Variants in VSIG8 observed in about 807,000 individuals in gnomAD.
VSIG8 encodes V-set and immunoglobulin domain-containing protein 8.
VSIG8 carries 32 observed loss-of-function variants against 42.6 expected under a neutral mutation model. The ratio of observed to expected loss-of-function variants is 0.75; its 90% CI spans 0.57 to 1.01. The LOEUF (loss-of-function observed/expected upper bound fraction) is 1.01. Among genes scored for constraint, VSIG8 ranks in the 50% least tolerant of loss-of-function variants. The pLI, the probability that VSIG8 is intolerant of heterozygous loss-of-function variation, is 0.00. For synonymous variants in VSIG8, 290 were observed against 243.8 expected, an observed-to-expected ratio of 1.19 and a Z score of -1.77; for missense variants, 529 against 558.0, an observed-to-expected ratio of 0.95 and a Z score of 0.52.
chr1:159,857,617 A>G, intron 4 of VSIG8, 128 bp downstream of exon 4: 1 of 693,362 alleles, frequency 1.4e-6, no homozygotes. Context: ...GCAGGCCCAG[A>G]GGGAGGGTCT....
intron 6 of VSIG8, chr1:159,855,351 T>C (rs1648781243): frequency 4.1e-6 from 6 of 1,470,688 alleles, no homozygotes; most frequent in Non-Finnish European, 2.7e-6. Flanking sequence ...GCTTTTCCTC[T>C]TCTTCTTTCC....
At chr1:159,858,633 G>C (rs1272800757) in intron 2 of VSIG8, 101 bp downstream of exon 2, 8 of 1,376,446 alleles carry the variant, frequency 5.8e-6, no homozygotes, top group Non-Finnish European at 7.8e-6. Flanking sequence ...AAAGGCCTTG[G>C]GGGAGGTTCA....
chr1:159,856,754 T>C (rs1648843144), intron 4 of VSIG8, 111 bp from the exon 5 acceptor site: 2 of 1,414,316 alleles, frequency 1.4e-6, no homozygotes, highest in South Asian at 1.3e-5. Flanking sequence ...GGCTTATGCA[T>C]GTGTGTACAC....
chr1:159,858,869 G>A lies in VSIG8; in HGVS notation c.93C>T (p.Val31=), dbSNP rs139770309. 41 of 1,614,056 alleles carry A rather than the reference G, an allele frequency of 2.5e-5. No homozygotes were observed. The highest frequency in any genetic ancestry group is 3.1e-5 in the Non-Finnish European group (37 of 1,180,006). ...CATTATCACCTTCTGCCAGGTACAGGACCTCCTGTCCATCCCCGTTGATCC... is the reference window on the plus strand; with the variant it reads ...CATTATCACCTTCTGCCAGGTACAGAACCTCCTGTCCATCCCCGTTGATCC... ...AVRINGDGQE[V]LYLAEGDNVR... is the part of the protein sequence containing the mutation. The change falls in exon 2 of 7, where the codon GTC becomes GTT. Residue 31 remains valine, a synonymous_variant. Transcript: ENST00000368100.
intron 1 of VSIG8, chr1:159,862,121 G>A (rs1649042725): frequency 3.6e-6 from 1 of 279,656 alleles, no homozygotes; most frequent in Non-Finnish European, 6.7e-6. Context: ...CAATGCCCGT[G>A]CTTACCCCTC....
At chr1:159,858,006 A>T in intron 3 of VSIG8, 40 bp from the exon 4 acceptor site, 1 of 1,612,218 alleles carries the variant, frequency 6.2e-7, no homozygotes, top group Non-Finnish European at 8.5e-7. Flanking sequence ...GGCCCAGCCA[A>T]GAGACAGAGC....
chr1:159,855,346 T>C (rs762305549), intron 6 of VSIG8: 441 of 1,476,880 alleles, frequency 3.0e-4, no homozygotes, highest in Non-Finnish European at 3.6e-4. Context: ...AAGGTGCTTT[T>C]CCTCTTCTTC....
chr1:159,858,910 G>A lies in VSIG8; in HGVS notation c.52C>T (p.Leu18=), dbSNP rs1463868260. The A allele has an allele frequency of 1.2e-6, 2 of 1,612,340 alleles. No individual in the cohort carries two copies. The highest frequency in any genetic ancestry group is 1.7e-6 in the Non-Finnish European group (2 of 1,179,244). The change falls in exon 2 of 7, where the codon CTG becomes TTG. Residue 18 remains leucine, a splice_region_variant and synonymous_variant. Coordinates refer to ENST00000368100, the MANE Select transcript of VSIG8 (RefSeq NM_001013661.1). The part of the protein sequence containing the change: ...HLLLVCLSPA[L]LSAVRINGDG... ...CCGTTGATCCGCACAGCAGACAGCAGTGCTAGGGGGAGGGCAGAGAAGATG... is the reference window on the plus strand; with the variant it reads ...CCGTTGATCCGCACAGCAGACAGCAATGCTAGGGGGAGGGCAGAGAAGATG...
chr1:159,856,421 G>T, intron 5 of VSIG8, 103 bp downstream of exon 5: 2 of 1,568,026 alleles, frequency 1.3e-6, no homozygotes, highest in Non-Finnish European at 8.7e-7. Context: ...CTGGCAAATG[G>T]ATGGCAGTGG....
chr1:159,859,629 C>T (rs1236579351), intron 1 of VSIG8, among the ~76,000 whole-genome samples: 1 of 152,070 alleles, frequency 6.6e-6, no homozygotes, highest in Non-Finnish European at 1.5e-5. Context: ...CAGTGGACAG[C>T]TGTGACCAGG....
chr1:159,855,791 G>A (rs1254519090), intron 6 of VSIG8, 92 bp downstream of exon 6: 2 of 1,439,190 alleles, frequency 1.4e-6, no homozygotes, highest in Non-Finnish European at 1.8e-6. Flanking sequence ...GTTGGGGTGG[G>A]GGGCCCAGCC....
At chr1:159,855,215 G>T in intron 6 of VSIG8, 189 bp from the exon 7 acceptor site, 1 of 1,551,648 alleles carries the variant, frequency 6.4e-7, no homozygotes, top group Non-Finnish European at 8.7e-7. Context: ...ACCCTGCAGC[G>T]GTCCCGGAGC....
At position 159,854,837 on chromosome 1, in the gene VSIG8, G is replaced by T; in HGVS notation, c.1161C>A (p.Ser387=). 2 of 1,490,882 alleles carry T rather than the reference G, an allele frequency of 1.3e-6. No individual in the cohort carries two copies. Among genetic ancestry groups the T allele is most frequent in the Non-Finnish European group, 1.8e-6 (2 of 1,128,666 alleles). The allele number at this position is 1,490,882 out of a possible 1,614,324, so 92.4% of individuals were successfully genotyped here. The change falls in exon 7 of 7, where the codon TCC becomes TCA. Residue 387 remains serine, a synonymous_variant. Transcript: ENST00000368100. ...CGCTCTTGACCTTGACGTAGACCGG[G>T]GAGGGGCCCGCTTCGCAGGCGGCGG... ...TAAAACEAGP[S]PVYVKVKSAE... is the part of the protein sequence containing the mutation.
In VSIG8 at chr1:159,856,039, G is replaced by A. The variant is rs970416051; in HGVS notation, c.815C>T (p.Ser272Phe). 6.2e-7 allele frequency: 1 copy of A among 1,612,428 alleles called. No individual in the cohort carries two copies. The highest frequency in any genetic ancestry group is 1.7e-5 in the Admixed American group (1 of 59,930). The change falls in exon 6 of 7, where the codon TCT becomes TTT. Residue 272 changes from serine (S) to phenylalanine (F), a missense_variant. Physicochemically the swap from Ser to Phe is radical, Grantham distance 155. Coordinates refer to ENST00000368100, the MANE Select transcript of VSIG8 (RefSeq NM_001013661.1). ...IGVIIGIVLG[S>F]LLALGCLAVG... ...GGCCAGGCAGCCCAGCGCGAGCAGA[G>A]AGCCCAGGACGATGCCGATGATCAC... is the stretch of plus-strand genomic sequence containing the variant.
At chr1:159,857,258 T>C (rs116352874) in intron 4 of VSIG8, among the ~76,000 whole-genome samples, 3,169 of 152,240 alleles carry the variant, frequency 0.021, 108 homozygotes, top group African/African-American at 0.072. Flanking sequence ...CTCTCCACAT[T>C]TGCCTTATCA....
intron 6 of VSIG8, 140 bp from the exon 7 acceptor site, chr1:159,855,166 C>T (rs756675934): frequency 6.4e-7 from 1 of 1,551,698 alleles, no homozygotes; most frequent in South Asian, 1.2e-5. Context: ...CTCCCTCGGC[C>T]TCGACCTACT....
At chr1:159,859,431 C>T (rs930800711) in intron 1 of VSIG8, among the ~76,000 whole-genome samples, 3 of 152,058 alleles carry the variant, frequency 2.0e-5, no homozygotes, top group Admixed American at 6.5e-5. Context: ...CCAGAGGCAG[C>T]GGGGTGGTTA....
intron 5 of VSIG8, 93 bp downstream of exon 5, chr1:159,856,431 G>T: frequency 6.3e-7 from 1 of 1,581,154 alleles, no homozygotes. Context: ...GATGGCAGTG[G>T]AAAGGCAGAA....
Position 159,854,785 on chromosome 1 carries a change from G to C in VSIG8, c.1213C>G (p.Pro405Ala). The C allele has an allele frequency of 2.0e-6, 3 of 1,503,446 alleles. No individual in the cohort carries two copies. Among genetic ancestry groups the C allele is most frequent in the Non-Finnish European group, 2.6e-6 (3 of 1,133,618 alleles). 93.1% of individuals were successfully genotyped at this position (1,503,446 alleles called of 1,614,324 possible). A position where few individuals can be genotyped will look rare whatever the true frequency, so the allele number is the denominator to read the frequency against. ...AAGAGGCCGTTCTTGCACTGCACCG[G>C]CCCCTCGGCGCAGTCAGCCGGCTCC... The part of the protein sequence containing the change: ...SAEPADCAEG[P>A]VQCKNGLLV Residue 405 changes from proline to alanine, a missense_variant, in exon 7 of 7, where the codon CCG becomes GCG. Pro to Ala is a conservative substitution (Grantham distance 27). Transcript: ENST00000368100.
Sources: allele counts gnomAD v4.1 joint callset (sites outside exome capture counted in the v4.1 genomes callset), GRCh38; gene constraint gnomAD v4.1.1; transcripts MANE v1.5; gene names NCBI Gene and HGNC (gene_info 2026-07-23, HGNC 2026-07-21).